TTC39A: variants seen among roughly 807,000 people sequenced by gnomAD.
TTC39A encodes tetratricopeptide repeat domain 39A, also known as tetratricopeptide repeat protein 39A.
TTC39A carries 46 observed loss-of-function variants against 82.3 expected under a neutral mutation model. The observed-to-expected ratio is 0.56, with a 90% confidence interval of 0.44 to 0.71. The LOEUF (loss-of-function observed/expected upper bound fraction) is 0.71. Among genes scored for constraint, TTC39A ranks in the 30% least tolerant of loss-of-function variants. The pLI, the probability that TTC39A is intolerant of heterozygous loss-of-function variation, is 0.00. For missense variants in TTC39A, 543 were observed against 712.9 expected (o/e 0.76, Z 2.71); for synonymous variants, 254 against 275.2 (o/e 0.92, Z 0.76).
chr1:51,306,138 C>T (rs952106748), intron 6 of TTC39A, 62 bp from the exon 7 acceptor site: 12 of 1,407,806 alleles, frequency 8.5e-6, no homozygotes, highest in Non-Finnish European at 1.2e-5. Flanking sequence ...GGGGCTGGGA[C>T]CCCTTCCAGC....
At chr1:51,290,203 T>A (rs1055028522) in intron 15 of TTC39A, 84 bp from the exon 16 acceptor site, 1 of 1,261,346 alleles carries the variant, frequency 7.9e-7, no homozygotes, top group Non-Finnish European at 1.1e-6. Flanking sequence ...TTGTGCTAGG[T>A]CAAAGGGACA....
chr1:51,305,008 A>G, intron 8 of TTC39A, 73 bp downstream of exon 8: 1 of 1,545,974 alleles, frequency 6.5e-7, no homozygotes, highest in Non-Finnish European at 8.9e-7. Context: ...GTGGCCTGTC[A>G]GCCCCACCCT....
rs114282466 is a variant in TTC39A at position 51,305,899 on chromosome 1, T to C, written c.588+78A>G. The stretch of plus-strand genomic sequence containing the variant: ...AGCCAGGTGCAGGGGCACTTGGCAG[T>C]GACCACACATGAGTCAGGGACAGAA... On this transcript the variant is annotated intron_variant, in intron 7 of 17. Transcript: ENST00000680483. 2.5e-4 allele frequency: 361 copies of C among 1,427,200 alleles called. 1 individual carries two copies. In the African/African-American group the frequency reaches 4.4e-3, roughly 18 times the overall value. The allele number at this position is 1,427,200 out of a possible 1,614,324, so 88.4% of individuals were successfully genotyped here.
rs1268346740 is a variant in TTC39A at position 51,294,781 on chromosome 1, C to T, written c.1146-270G>A. Among the ~76,000 whole-genome samples, 1 of 152,186 alleles carries T rather than the reference C, an allele frequency of 6.6e-6. No homozygotes were observed. Among genetic ancestry groups the T allele is most frequent in the Admixed American group, 6.5e-5 (1 of 15,290 alleles). On this transcript the variant is annotated intron_variant, in intron 13 of 17. Coordinates refer to ENST00000680483, the MANE Select transcript of TTC39A (RefSeq NM_001297663.2). The surrounding 1 kb of genome is among the most constrained non-coding windows in gnomAD (Gnocchi z 4.3). The stretch of plus-strand genomic sequence containing the variant: ...CAGAGATGAGAGTGTGCCAAACACC[C>T]CTGGGCCGGCCCTGCCTCCTAGTTA...
rs964105939 is a variant in TTC39A, at chr1:51,288,110, C to T, written c.*47G>A. 1 of 1,610,306 alleles carries T rather than the reference C, an allele frequency of 6.2e-7. No homozygotes were observed. The highest frequency in any genetic ancestry group is 1.3e-5 in the African/African-American group (1 of 74,892). ...GGGTATTTTGAAATGTTTTCAGGAG[C>T]TCTGTCCAGCTGTCTCTGTCTTCCA... On this transcript the variant is annotated 3_prime_UTR_variant, in exon 18 of 18. Coordinates refer to ENST00000680483, the MANE Select transcript of TTC39A (RefSeq NM_001297663.2). The surrounding 1 kb of genome is among the most constrained non-coding windows in gnomAD (Gnocchi z 4.8).
Position 51,330,217 on chromosome 1 carries a change from A to G in TTC39A, c.41+220T>C. ...TGAGAAAGTTGGGACCCAGAAGGTG[A>G]GTGACCGACCCGGGGTCCCCGCGCC... On this transcript the variant is annotated intron_variant, in intron 1 of 17. Coordinates refer to ENST00000680483, the MANE Select transcript of TTC39A (RefSeq NM_001297663.2). The surrounding 1 kb of genome is among the most constrained non-coding windows in gnomAD (Gnocchi z 4.5). 4.1e-6 allele frequency: 4 copies of G among 985,444 alleles called. No individual in the cohort carries two copies. Among genetic ancestry groups the G allele is most frequent in the Non-Finnish European group, 4.8e-6 (4 of 830,030 alleles). 61.0% of individuals were successfully genotyped at this position (985,444 alleles called of 1,614,324 possible). A position where few individuals can be genotyped will look rare whatever the true frequency, so the allele number is the denominator to read the frequency against.
At chr1:51,308,837 G>A (rs1471507143) in intron 6 of TTC39A, among the ~76,000 whole-genome samples, 1 of 152,158 alleles carries the variant, frequency 6.6e-6, no homozygotes, top group Non-Finnish European at 1.5e-5. Context: ...GTGTGTGTAT[G>A]TATACCTTTC....
rs1371512791 is a variant in TTC39A, at chr1:51,330,562, T to G, written c.-85A>C. 4 of 982,368 alleles carry G rather than the reference T, an allele frequency of 4.1e-6. No homozygotes were observed. The highest frequency in any genetic ancestry group is 3.6e-6 in the Non-Finnish European group (3 of 829,524). 60.9% of individuals were successfully genotyped at this position (982,368 alleles called of 1,614,324 possible). On this transcript the variant is annotated 5_prime_UTR_variant, in exon 1 of 18. Transcript: ENST00000680483. The surrounding 1 kb of genome is among the most constrained non-coding windows in gnomAD (Gnocchi z 4.5). ...CGCCGCAACCCCGAGCCGGGCGCTG[T>G]GCGGTCGCGGACGCGGCGGCCGGGG...
In TTC39A at chr1:51,305,974, C is replaced by T. The variant is rs1175427593; in HGVS notation, c.588+3G>A. On this transcript the variant is annotated splice_donor_region_variant and intron_variant, in intron 7 of 17. Transcript: ENST00000680483. ...GCTGTGGAAATGGAGGAGGAGCACTCACCAGGTTGAAGGCCCCTACACCAA... is the reference window on the plus strand; with the variant it reads ...GCTGTGGAAATGGAGGAGGAGCACTTACCAGGTTGAAGGCCCCTACACCAA... 3.1e-6 allele frequency: 5 copies of T among 1,613,822 alleles called. No individual in the cohort carries two copies. Among genetic ancestry groups the T allele is most frequent in the Non-Finnish European group, 4.2e-6 (5 of 1,179,738 alleles).
At chr1:51,300,168 C>T (rs1259344206) in intron 12 of TTC39A, 1 of 152,318 alleles carries the variant, frequency 6.6e-6, no homozygotes, top group African/African-American at 2.4e-5. Context: ...GGGAAAGTCA[C>T]AGTCCTCGCT....
intron 8 of TTC39A, 71 bp downstream of exon 8, chr1:51,305,010 C>A: frequency 2.6e-6 from 4 of 1,556,208 alleles, no homozygotes; most frequent in Non-Finnish European, 3.5e-6. Context: ...GGCCTGTCAG[C>A]CCCACCCTGT....
intron 14 of TTC39A, among the ~76,000 whole-genome samples, chr1:51,293,258 G>A (rs1355002225): frequency 6.6e-6 from 1 of 151,932 alleles, no homozygotes; most frequent in Non-Finnish European, 1.5e-5. Flanking sequence ...GTAGAGGTGG[G>A]GTTTCTCCAT....
chr1:51,314,615 G>C (rs1645214382), intron 2 of TTC39A, among the ~76,000 whole-genome samples: 1 of 152,216 alleles, frequency 6.6e-6, no homozygotes, highest in Non-Finnish European at 1.5e-5. Context: ...CCACTCGCCA[G>C]CCAGGGGCAC....
chr1:51,293,205 T>A (rs1252343654), intron 14 of TTC39A, among the ~76,000 whole-genome samples: 3 of 152,052 alleles, frequency 2.0e-5, no homozygotes, highest in Non-Finnish European at 4.4e-5. Context: ...GTAACTGGGA[T>A]TACAGGCATG....
chr1:51,311,832 C>T (rs1018026067), intron 4 of TTC39A, among the ~76,000 whole-genome samples: 3 of 152,264 alleles, frequency 2.0e-5, no homozygotes, highest in Non-Finnish European at 2.9e-5. Context: ...ACTCTAAACA[C>T]CCATTGGCCT....
At chr1:51,327,078 C>T (rs1050823665) in intron 1 of TTC39A, among the ~76,000 whole-genome samples, 4 of 152,238 alleles carry the variant, frequency 2.6e-5, no homozygotes, top group African/African-American at 7.2e-5. Context: ...CCCCTTCCCT[C>T]CCACTTCTCT....
intron 1 of TTC39A, among the ~76,000 whole-genome samples, chr1:51,323,504 TCCA>T (rs1184998067): frequency 6.6e-6 from 1 of 152,078 alleles, no homozygotes; most frequent in African/African-American, 2.4e-5. Context: ...CACTCTCCAT[TCCA>T]CTCTTTCCAC....
intron 5 of TTC39A, among the ~76,000 whole-genome samples, chr1:51,310,300 C>T (rs1645037912): frequency 6.6e-6 from 1 of 152,092 alleles, no homozygotes; most frequent in African/African-American, 2.4e-5. Flanking sequence ...AGTGATTCCC[C>T]TGTTGGGTAC....
chr1:51,328,389 C>G (rs1010546911), intron 1 of TTC39A, among the ~76,000 whole-genome samples: 1 of 152,176 alleles, frequency 6.6e-6, no homozygotes, highest in African/African-American at 2.4e-5. Context: ...GGTGGTATAT[C>G]ACACATCAGG....
Sources: allele counts gnomAD v4.1 joint callset (sites outside exome capture counted in the v4.1 genomes callset), GRCh38; gene constraint gnomAD v4.1.1; non-coding constraint Gnocchi (gnomAD v3.1); transcripts MANE v1.5; gene names NCBI Gene and HGNC (gene_info 2026-07-23, HGNC 2026-07-21).